SCAPER: variants seen among roughly 807,000 people sequenced by gnomAD.
The protein encoded by SCAPER is S-phase cyclin A associated protein in the ER.
In SCAPER, 98 loss-of-function variants were observed where a neutral mutation model predicts 182.2. That is an observed-to-expected ratio of 0.54 (90% CI 0.46 to 0.64). SCAPER has a LOEUF of 0.64. Ranked by LOEUF, SCAPER falls within the 30% of genes least tolerant of loss-of-function variation. The pLI, the probability that SCAPER is intolerant of heterozygous loss-of-function variation, is 0.00. For missense variants in SCAPER, 1,432 were observed against 1,690.0 expected (o/e 0.85, Z 2.68); for synonymous variants, 605 against 564.6 (o/e 1.07, Z -1.01).
intron 22 of SCAPER, among the ~76,000 whole-genome samples, chr15:76,594,984 C>A (rs574159551): frequency 1.6e-5 from 2 of 121,308 alleles, no homozygotes; most frequent in Non-Finnish European, 4.0e-5. Flanking sequence ...ACAATATTAA[C>A]CTTAAACGTA....
intron 25 of SCAPER, among the ~76,000 whole-genome samples, chr15:76,457,197 G>T (rs1450897671): frequency 2.0e-5 from 3 of 152,026 alleles, no homozygotes; most frequent in Non-Finnish European, 4.4e-5. Context: ...CAAGCAGCTG[G>T]GACTACAGGT....
intron 21 of SCAPER, among the ~76,000 whole-genome samples, chr15:76,655,072 G>A (rs1332980741): frequency 6.6e-6 from 1 of 152,128 alleles, no homozygotes; most frequent in Non-Finnish European, 1.5e-5. Flanking sequence ...GACAGACACA[G>A]AATTCAGAAG....
rs747568090 is a variant in SCAPER at position 76,434,234 on chromosome 15, C to G, written c.3155G>C (p.Gly1052Ala). 6.2e-7 allele frequency: 1 copy of G among 1,613,828 alleles called. No homozygotes were observed. Among genetic ancestry groups the G allele is most frequent in the South Asian group, 1.1e-5 (1 of 91,066 alleles). The change falls in exon 26 of 32, where the codon GGA becomes GCA. Residue 1052 changes from glycine to alanine, a missense_variant. Gly to Ala is a moderately conservative substitution (Grantham distance 60). Coordinates refer to ENST00000563290, the MANE Select transcript of SCAPER (RefSeq NM_020843.4). ...AACCACAGCACTGACTTTGAGAAGTCCAGTTGTCAAGCCTTCAAAAACTTG... is the reference window on the plus strand; with the variant it reads ...AACCACAGCACTGACTTTGAGAAGTGCAGTTGTCAAGCCTTCAAAAACTTG... ...NKQVFEGLTT[G>A]LLKVSAVVLG... is the part of the protein sequence containing the mutation.
intron 8 of SCAPER, chr15:76,793,289 T>A: frequency 1.2e-6 from 1 of 831,260 alleles, no homozygotes; most frequent in Non-Finnish European, 2.0e-6. Flanking sequence ...GGCATGCAAC[T>A]CCTAAAATCT....
At chr15:76,487,684 A>T (rs1486661684) in intron 24 of SCAPER, among the ~76,000 whole-genome samples, 1 of 152,132 alleles carries the variant, frequency 6.6e-6, no homozygotes. Flanking sequence ...AAACTACTCT[A>T]ATAAAGTCTG....
At chr15:76,675,831 T>C (rs2057337882) in intron 20 of SCAPER, among the ~76,000 whole-genome samples, 1 of 140,498 alleles carries the variant, frequency 7.1e-6, no homozygotes, top group African/African-American at 2.8e-5. Context: ...ATGAAACTGG[T>C]TTTTTTTTTT....
chr15:76,837,797 G>GA (rs550499227), intron 5 of SCAPER, among the ~76,000 whole-genome samples: 129 of 152,136 alleles, frequency 8.5e-4, no homozygotes, highest in Non-Finnish European at 1.6e-3. Context: ...ACGAGCATAT[G>GA]AAAAAATGCT....
rs12900491 is a variant in SCAPER, at chr15:76,370,312, T to G, written c.3855+5850A>C. On this transcript the variant is annotated intron_variant, in intron 29 of 31. Coordinates refer to ENST00000563290, the MANE Select transcript of SCAPER (RefSeq NM_020843.4). ...TTCAATTTTTTTTTTTTTTTTTTTT[T>G]TTTTGTTTTAAAGACAGAGTCTTCC... is the stretch of plus-strand genomic sequence containing the variant. Among the ~76,000 whole-genome samples, 582 of 83,630 alleles carry G rather than the reference T, an allele frequency of 7.0e-3. 3 individuals carry two copies. Among genetic ancestry groups the G allele is most frequent in the Non-Finnish European group, 0.011 (355 of 32,508 alleles). 54.9% of individuals were successfully genotyped at this position (83,630 alleles called of 152,430 possible).
At chr15:76,552,720 A>G (rs978990302) in intron 23 of SCAPER, among the ~76,000 whole-genome samples, 5 of 152,162 alleles carry the variant, frequency 3.3e-5, no homozygotes, top group Non-Finnish European at 5.9e-5. Context: ...GCAGTGCAGC[A>G]TGGCCAGGGA....
chr15:76,904,254 G>A (rs2074949215), intron 1 of SCAPER, among the ~76,000 whole-genome samples: 1 of 151,968 alleles, frequency 6.6e-6, no homozygotes, highest in Admixed American at 6.6e-5. Context: ...TTGAGCCCCC[G>A]TTTCTCCATT....
intron 28 of SCAPER, among the ~76,000 whole-genome samples, chr15:76,378,932 A>C (rs1395330717): frequency 1.3e-5 from 2 of 152,210 alleles, no homozygotes; most frequent in Admixed American, 1.3e-4. Context: ...AAGAGCCTCC[A>C]GATGACTTTA....
At chr15:76,691,000 C>A (rs2058324766) in intron 20 of SCAPER, among the ~76,000 whole-genome samples, 1 of 152,052 alleles carries the variant, frequency 6.6e-6, no homozygotes, top group African/African-American at 2.4e-5. Context: ...GGCTCTTGAT[C>A]TTGTTTTCAC....
chr15:76,801,718 G>A lies in SCAPER; in HGVS notation c.495-1354C>T, dbSNP rs115554729. On this transcript the variant is annotated intron_variant, in intron 6 of 31. Transcript: ENST00000563290. ...GCAGATCACTCGAGGTCAGGAGTTC[G>A]AGATCAGCCTAGCCAACATGGTGAA... Among the ~76,000 whole-genome samples, 1,372 of 152,100 alleles carry A rather than the reference G, an allele frequency of 9.0e-3. 21 individuals carry two copies. The highest frequency in any genetic ancestry group is 0.032 in the African/African-American group (1,329 of 41,478).
chr15:76,409,762 C>T (rs1271110039), intron 26 of SCAPER, among the ~76,000 whole-genome samples: 1 of 152,016 alleles, frequency 6.6e-6, no homozygotes. Flanking sequence ...CAACTATCCT[C>T]GATATGTTAA....
At chr15:76,577,460 A>C (rs368719629) in intron 22 of SCAPER, among the ~76,000 whole-genome samples, 51 of 152,256 alleles carry the variant, frequency 3.3e-4, no homozygotes, top group African/African-American at 1.2e-3. Context: ...AAGAAGAAGA[A>C]GAAGGAGAAA....
chr15:76,828,786 G>A (rs557791821), intron 5 of SCAPER, among the ~76,000 whole-genome samples: 1 of 152,298 alleles, frequency 6.6e-6, no homozygotes, highest in African/African-American at 2.4e-5. Context: ...TTCTATCCTT[G>A]TCCTGAATCT....
At chr15:76,540,617 A>C (rs1180666969) in intron 23 of SCAPER, among the ~76,000 whole-genome samples, 2 of 152,048 alleles carry the variant, frequency 1.3e-5, no homozygotes, top group Non-Finnish European at 2.9e-5. Flanking sequence ...GTAAGCTGTT[A>C]AAATTGTTAT....
chr15:76,840,841 C>T (rs2069403932), intron 5 of SCAPER, among the ~76,000 whole-genome samples: 1 of 152,190 alleles, frequency 6.6e-6, no homozygotes, highest in Admixed American at 6.5e-5. Flanking sequence ...CACCATGTGT[C>T]TGTTTAATAT....
chr15:76,453,074 T>C (rs2048487516), intron 25 of SCAPER, among the ~76,000 whole-genome samples: 2 of 152,216 alleles, frequency 1.3e-5, no homozygotes, highest in African/African-American at 4.8e-5. Context: ...CCTCCAGCGA[T>C]CCTCCTGCCT....
Sources: gnomAD v4.1 joint callset for allele counts (sites outside exome capture counted in the v4.1 genomes callset) on GRCh38, gnomAD v4.1.1 for gene constraint, MANE v1.5 for transcripts, NCBI Gene and HGNC (gene_info 2026-07-23, HGNC 2026-07-21) for gene names.